The following SLC13A3 variants were observed in gnomAD, a reference collection of about 807,000 sequenced individuals.
The protein encoded by SLC13A3 is Na(+)/dicarboxylate cotransporter 3.
In SLC13A3, 40 loss-of-function variants were observed where a neutral mutation model predicts 59.0. The observed-to-expected ratio is 0.68, with a 90% CI of 0.53 to 0.88. SLC13A3 has a LOEUF of 0.88. SLC13A3 is among the 40% of genes least tolerant of loss of function. The pLI is 0.00. For missense variants in SLC13A3, 699 were observed against 783.2 expected (o/e 0.89, Z 1.28); for synonymous variants, 317 against 330.3 (o/e 0.96, Z 0.44).
At chr20:46,662,398 A>C (rs978097554) in intron 1 of SLC13A3, among the ~76,000 whole-genome samples, 2 of 152,226 alleles carry the variant, frequency 1.3e-5, no homozygotes, top group Non-Finnish European at 2.9e-5. Context: ...GTCTATCAAA[A>C]TACCAGGACC....
intron 1 of SLC13A3, among the ~76,000 whole-genome samples, chr20:46,660,806 C>T (rs1600626202): frequency 6.6e-6 from 1 of 152,104 alleles, no homozygotes; most frequent in East Asian, 1.9e-4. Flanking sequence ...TTACAAATTT[C>T]AGACTCTTTG....
Position 46,596,156 on chromosome 20 carries a change from C to A in SLC13A3, c.794+1G>T, listed in dbSNP as rs2062310160. ...CCGCCGGTGGGGACTCTCGCTTTCA[C>A]CTCTTGAGCTGGCCAAGCAGGATGA... is the stretch of plus-strand genomic sequence containing the variant. On this transcript the variant is annotated splice_donor_variant, in intron 5 of 12. Transcript: ENST00000279027. LOFTEE classifies it high-confidence loss of function. 1.9e-6 allele frequency: 3 copies of A among 1,612,796 alleles called. No homozygotes were observed. The African/African-American group carries it at 4.0e-5, about 22-fold the overall frequency.
chr20:46,652,535 CAT>C (rs1182097396), upstream of SLC13A3, among the ~76,000 whole-genome samples: 1 of 148,308 alleles, frequency 6.7e-6, no homozygotes, highest in Non-Finnish European at 1.5e-5. Context: ...CGTGTGCCAC[CAT>C]ATCTGGCTAA....
chr20:46,575,401 T>C (rs1052833684), intron 10 of SLC13A3, among the ~76,000 whole-genome samples, 172 bp downstream of exon 10: 1 of 152,342 alleles, frequency 6.6e-6, no homozygotes, highest in East Asian at 1.9e-4. Flanking sequence ...TCTTTCTCTG[T>C]AGCACCAGGA....
intron 2 of SLC13A3, among the ~76,000 whole-genome samples, chr20:46,611,644 T>A (rs1364192061): frequency 6.6e-6 from 1 of 152,108 alleles, no homozygotes; most frequent in South Asian, 2.1e-4. Flanking sequence ...CTCAAATCTA[T>A]CCAATCTGTT....
intron 1 of SLC13A3, among the ~76,000 whole-genome samples, chr20:46,626,248 CCT>C (rs1021068860): frequency 1.4e-5 from 2 of 147,168 alleles, no homozygotes; most frequent in African/African-American, 2.5e-5. Flanking sequence ...CTCTTTCCTT[CCT>C]CTCTCTCCTC....
At position 46,575,659 on chromosome 20, in the gene SLC13A3, G is replaced by T; in HGVS notation, c.1246C>A (p.Leu416Met). ...GTCTCCTGGGCCTTCTTCCAGGTCA[G>T]CAAGGGCTCTGTCTCTGTGTTGGGA... ...KAPNTETEPL[L>M]TWKKAQETVP... Residue 416 changes from leucine to methionine, a missense_variant, in exon 10 of 13, where the codon CTG becomes ATG. Physicochemically the swap from Leu to Met is conservative, Grantham distance 15. Coordinates refer to ENST00000279027, the MANE Select transcript of SLC13A3 (RefSeq NM_022829.6). The T allele has an allele frequency of 6.2e-7, 1 of 1,600,958 alleles. No individual in the cohort carries two copies. The highest frequency in any genetic ancestry group is 1.7e-5 in the Admixed American group (1 of 58,536).
intron 1 of SLC13A3, among the ~76,000 whole-genome samples, chr20:46,645,729 T>G (rs760754615): frequency 2.0e-5 from 3 of 152,186 alleles, no homozygotes; most frequent in Admixed American, 6.5e-5. Flanking sequence ...CGCAGGCCCA[T>G]AGCTTCAACC....
intron 8 of SLC13A3, chr20:46,585,667 T>G (rs1376869349): frequency 3.9e-6 from 5 of 1,289,540 alleles, no homozygotes; most frequent in Non-Finnish European, 5.1e-6. Context: ...AAGATGTATA[T>G]CAGAATTAGA....
intron 1 of SLC13A3, among the ~76,000 whole-genome samples, chr20:46,658,762 T>C (rs1320220334): frequency 6.6e-6 from 1 of 152,360 alleles, no homozygotes; most frequent in East Asian, 1.9e-4. Flanking sequence ...TCTTAAAGTC[T>C]CCAATTCAAT....
upstream of SLC13A3, among the ~76,000 whole-genome samples, chr20:46,675,054 A>G (rs915235366): frequency 2.6e-5 from 4 of 152,056 alleles, no homozygotes; most frequent in Admixed American, 1.3e-4. Context: ...AGGGAAAGGG[A>G]ACAGCTGCTA....
chr20:46,660,784 T>A (rs1482633459), intron 1 of SLC13A3, among the ~76,000 whole-genome samples: 1 of 152,146 alleles, frequency 6.6e-6, no homozygotes, highest in Non-Finnish European at 1.5e-5. Context: ...TGTTAGAGCA[T>A]TTGGTATCAT....
At chr20:46,635,097 G>A (rs2062782943) in intron 1 of SLC13A3, among the ~76,000 whole-genome samples, 1 of 152,170 alleles carries the variant, frequency 6.6e-6, no homozygotes, top group Admixed American at 6.5e-5. Flanking sequence ...TCAGTCTCCT[G>A]GAAAAGGCTG....
intron 6 of SLC13A3, 30 bp downstream of exon 6, chr20:46,592,374 C>T (rs762027059): frequency 5.0e-6 from 8 of 1,612,884 alleles, no homozygotes; most frequent in African/African-American, 1.3e-5. Flanking sequence ...TGCTTCCCCA[C>T]TCTATTGCCA....
upstream of SLC13A3, among the ~76,000 whole-genome samples, chr20:46,654,541 C>G (rs1032881515): frequency 5.9e-5 from 9 of 151,442 alleles, no homozygotes; most frequent in African/African-American, 2.2e-4. Flanking sequence ...ATTTTTTTTT[C>G]TTGTTGACAT....
upstream of SLC13A3, among the ~76,000 whole-genome samples, chr20:46,651,881 T>C (rs781281410): frequency 3.3e-5 from 5 of 152,186 alleles, no homozygotes; most frequent in Admixed American, 6.5e-5. Context: ...ATAATAATAG[T>C]CTACACCATG....
rs758815485 is a variant in SLC13A3, at chr20:46,563,503, C to T, written c.1543G>A (p.Val515Ile). ...HPLYLMIPGTVGCSFAFMLPV... is the reference protein window; with the variant it reads ...HPLYLMIPGTIGCSFAFMLPV... ...AGCATGAAGGCAAAGGAGCAGCCGA[C>T]TGTGCCCGGAATCATCAGATACAGG... Residue 515 changes from valine (V) to isoleucine (I), a missense_variant, in exon 12 of 13, where the codon GTC becomes ATC. By Grantham distance (29) the Val-to-Ile change is conservative (BLOSUM62 3). Transcript: ENST00000279027. The T allele has an allele frequency of 6.2e-7, 1 of 1,614,108 alleles. No homozygotes were observed. The highest frequency in any genetic ancestry group is 8.5e-7 in the Non-Finnish European group (1 of 1,180,022).
chr20:46,671,975 G>A (rs1408210714), upstream of SLC13A3, among the ~76,000 whole-genome samples: 1 of 152,194 alleles, frequency 6.6e-6, no homozygotes, highest in Admixed American at 6.5e-5. Flanking sequence ...CATCCAATCT[G>A]ATACACCTGT....
intron 3 of SLC13A3, among the ~76,000 whole-genome samples, chr20:46,603,672 A>AC (rs1478819511): frequency 2.6e-5 from 4 of 152,036 alleles, no homozygotes; most frequent in African/African-American, 9.7e-5. Context: ...ACAGAAGTGA[A>AC]CTACCACGCC....
Sources: allele counts gnomAD v4.1 joint callset (sites outside exome capture counted in the v4.1 genomes callset), GRCh38; gene constraint gnomAD v4.1.1; transcripts MANE v1.5; gene names NCBI Gene and HGNC (gene_info 2026-07-23, HGNC 2026-07-21).